The following SYCP2L variants were observed in gnomAD, a reference collection of about 807,000 sequenced individuals.
The protein encoded by SYCP2L is synaptonemal complex protein 2-like.
In SYCP2L, 98 loss-of-function variants were observed where a neutral mutation model predicts 125.8. The ratio of observed to expected loss-of-function variants is 0.78; its 90% CI spans 0.66 to 0.92. SYCP2L has a LOEUF of 0.92. SYCP2L is among the 40% of genes least tolerant of loss of function. SYCP2L has a pLI of 0.00. For missense variants in SYCP2L, 842 were observed against 936.4 expected (o/e 0.90, Z 1.32); for synonymous variants, 317 against 325.4 (o/e 0.97, Z 0.28).
chr6:10,919,005 T>C (rs1014024836), intron 14 of SYCP2L, among the ~76,000 whole-genome samples: 1 of 152,210 alleles, frequency 6.6e-6, no homozygotes. Context: ...TTTCCTTACA[T>C]TGGGCTTCAC....
rs34079965 is a variant in SYCP2L, at chr6:10,942,761, CTTTT to C, written c.1954+28_1954+31del. ...GGAAGACAAAGGTAAGAGAATAGTA[CTTTT>C]TTTTTTTTTTTTGCAGAATAAAATG... On this transcript the variant is annotated intron_variant, in intron 23 of 29. Transcript: ENST00000283141. The C allele has an allele frequency of 1.6e-4, 226 of 1,406,978 alleles. No homozygotes were observed. The highest frequency in any genetic ancestry group is 2.3e-4 in the Middle Eastern group (1 of 4,442). The allele number at this position is 1,406,978 out of a possible 1,614,324, so 87.2% of individuals were successfully genotyped here. A position where few individuals can be genotyped will look rare whatever the true frequency, so the allele number is the denominator to read the frequency against.
At chr6:10,966,112 C>CAAT (rs34443540) in intron 29 of SYCP2L, among the ~76,000 whole-genome samples, 48,100 of 151,160 alleles carry the variant, frequency 0.32, 8,254 homozygotes, top group South Asian at 0.45. Flanking sequence ...TACTCTGTCT[C>CAAT]AATAATAATA....
At chr6:10,905,915 A>G in intron 8 of SYCP2L, 105 bp from the exon 9 acceptor site, 1 of 710,806 alleles carries the variant, frequency 1.4e-6, no homozygotes, top group Non-Finnish European at 2.4e-6. Context: ...AATTTGAAAT[A>G]GTTTCAGAAA....
chr6:10,935,332 A>C (rs1327994371), intron 21 of SYCP2L, 145 bp downstream of exon 21: 4 of 859,106 alleles, frequency 4.7e-6, no homozygotes, highest in Non-Finnish European at 7.0e-6. Context: ...TCTTATTAGC[A>C]AATTAACAGA....
intron 28 of SYCP2L, among the ~76,000 whole-genome samples, chr6:10,963,054 T>C (rs771549392): frequency 2.0e-5 from 3 of 152,218 alleles, no homozygotes; most frequent in Non-Finnish European, 4.4e-5. Flanking sequence ...ACCTGGGGGA[T>C]TCATTTATTT....
At chr6:10,956,847 G>A (rs1321950522) in intron 25 of SYCP2L, among the ~76,000 whole-genome samples, 1 of 152,096 alleles carries the variant, frequency 6.6e-6, no homozygotes, top group Non-Finnish European at 1.5e-5. Flanking sequence ...GTTTTTTAGA[G>A]ATAGGATCTT....
At chr6:10,888,885 G>C (rs1327912081) in intron 1 of SYCP2L, among the ~76,000 whole-genome samples, 1 of 150,598 alleles carries the variant, frequency 6.6e-6, no homozygotes, top group East Asian at 1.9e-4. Context: ...TTTTTGATAC[G>C]GAGTCTCACT....
At chr6:10,894,667 T>A (rs960795411) in intron 4 of SYCP2L, among the ~76,000 whole-genome samples, 3 of 152,120 alleles carry the variant, frequency 2.0e-5, no homozygotes, top group African/African-American at 7.2e-5. Flanking sequence ...ACATTTTTGC[T>A]TATTCAAAGT....
At chr6:10,895,422 C>T (rs542678968) in intron 4 of SYCP2L, among the ~76,000 whole-genome samples, 46 of 152,240 alleles carry the variant, frequency 3.0e-4, no homozygotes, top group African/African-American at 1.1e-3. Context: ...AATCTAATTC[C>T]GGTTGGCTAA....
rs568581754 is a variant in SYCP2L, at chr6:10,951,998, GT to G, written c.1955-3116del. 4.3e-3 allele frequency among the ~76,000 whole-genome samples: 648 copies of G among 152,284 alleles called. 5 individuals carry two copies. The highest frequency in any genetic ancestry group is 7.3e-3 in the Non-Finnish European group (497 of 68,020). On this transcript the variant is annotated intron_variant, in intron 23 of 29. Transcript: ENST00000283141. Reference sequence around the variant, plus strand: ...TTTTCTTGGAAATGAAGAAAGCCGGGTTCTTGTGAGAGCAGGAGCACACCCC... The same window carrying G: ...TTTTCTTGGAAATGAAGAAAGCCGGGTCTTGTGAGAGCAGGAGCACACCCC...
In SYCP2L at chr6:10,928,441, G is replaced by A. The variant is rs376863466; in HGVS notation, c.1479G>A (p.Pro493=). The change falls in exon 18 of 30, where the codon CCG becomes CCA. Residue 493 remains proline, a synonymous_variant. Transcript: ENST00000283141. ...PVPPFGVPDF[P]QQPKSHYRKH... ...CTCCGTTCGGGGTCCCTGACTTCCC[G>A]CAACAACCTGTGAGTACAGGGAGTG... The A allele has an allele frequency of 2.4e-4, 373 of 1,584,444 alleles. No individual in the cohort carries two copies. The highest frequency in any genetic ancestry group is 3.1e-4 in the Non-Finnish European group (364 of 1,166,732).
chr6:10,911,521 C>T (rs186657931), intron 12 of SYCP2L, among the ~76,000 whole-genome samples: 96 of 152,302 alleles, frequency 6.3e-4, no homozygotes, highest in Non-Finnish European at 1.2e-3. Flanking sequence ...TTCTTGGCCT[C>T]TCAGAGCTAA....
chr6:10,968,605 T>C (rs912548017), intron 29 of SYCP2L, among the ~76,000 whole-genome samples: 1 of 152,094 alleles, frequency 6.6e-6, no homozygotes, highest in Non-Finnish European at 1.5e-5. Flanking sequence ...AAGGAAATAT[T>C]TTCTTCCAGA....
chr6:10,922,195 A>G (rs1019371238), intron 14 of SYCP2L, among the ~76,000 whole-genome samples: 2 of 152,196 alleles, frequency 1.3e-5, no homozygotes, highest in Admixed American at 6.5e-5. Context: ...AACTTCATGA[A>G]TAGATCACGT....
chr6:10,910,061 C>T, intron 10 of SYCP2L, 87 bp from the exon 11 acceptor site: 1 of 1,074,634 alleles, frequency 9.3e-7, no homozygotes, highest in East Asian at 2.5e-5. Context: ...CATTTAGAAG[C>T]AAACACTGGC....
chr6:10,904,541 T>C (rs1458565000), intron 8 of SYCP2L, among the ~76,000 whole-genome samples: 13 of 152,240 alleles, frequency 8.5e-5, no homozygotes, highest in Admixed American at 8.5e-4. Flanking sequence ...GTGAAATCAC[T>C]ACTCTTAGTG....
rs1012043008 is a variant in SYCP2L at position 10,974,020 on chromosome 6, C to T, written c.*106C>T. ...GGCTCAGGCCTTGTTAGCCAGACTT[C>T]GTGCTCTGTACGCATTCAATTTCCT... is the stretch of plus-strand genomic sequence containing the variant. On this transcript the variant is annotated 3_prime_UTR_variant, in exon 30 of 30. Transcript: ENST00000283141. 1.3e-5 allele frequency: 2 copies of T among 152,222 alleles called. No homozygotes were observed. The highest frequency in any genetic ancestry group is 2.4e-5 in the African/African-American group (1 of 41,448). The allele number at this position is 152,222 out of a possible 1,614,324, so 9.4% of individuals were successfully genotyped here.
chr6:10,908,120 T>A (rs1038356054), intron 10 of SYCP2L, among the ~76,000 whole-genome samples: 7 of 152,062 alleles, frequency 4.6e-5, no homozygotes, highest in African/African-American at 1.4e-4. Flanking sequence ...ACTCCTGACC[T>A]CAGGTGATCC....
chr6:10,911,581 C>G (rs905114236), intron 12 of SYCP2L, among the ~76,000 whole-genome samples: 2 of 152,164 alleles, frequency 1.3e-5, no homozygotes, highest in African/African-American at 2.4e-5. Flanking sequence ...AGAACTGAGT[C>G]TGGTAGGCTG....
Sources: gnomAD v4.1 joint callset for allele counts (sites outside exome capture counted in the v4.1 genomes callset) on GRCh38, gnomAD v4.1.1 for gene constraint, MANE v1.5 for transcripts, NCBI Gene and HGNC (gene_info 2026-07-23, HGNC 2026-07-21) for gene names.